The following CIAPIN1 variants were observed in gnomAD, a reference collection of about 807,000 sequenced individuals.
CIAPIN1 encodes the protein anamorsin.
A neutral mutation model predicts 34.3 loss-of-function variants in CIAPIN1; 18 were observed. The observed-to-expected ratio is 0.52, with a 90% CI of 0.36 to 0.78. The LOEUF is 0.78. CIAPIN1 is among the 30% of genes least tolerant of loss of function. CIAPIN1 has a pLI of 0.00. For synonymous variants in CIAPIN1, 131 were observed against 140.4 expected, an observed-to-expected ratio of 0.93 and a Z score of 0.47; for missense variants, 310 against 372.5, an observed-to-expected ratio of 0.83 and a Z score of 1.38.
intron 1 of CIAPIN1, among the ~76,000 whole-genome samples, chr16:57,443,125 C>T (rs1432010700): frequency 1.4e-5 from 2 of 144,372 alleles, no homozygotes; most frequent in African/African-American, 2.6e-5. Context: ...GACAATAATT[C>T]TGGTTTTGTT....
At chr16:57,435,576 T>C (rs1334335450) in intron 4 of CIAPIN1, among the ~76,000 whole-genome samples, 3 of 152,204 alleles carry the variant, frequency 2.0e-5, no homozygotes, top group Non-Finnish European at 2.9e-5. Flanking sequence ...GTAGATCACC[T>C]GAGGTCAGGA....
At chr16:57,429,408 T>C (rs537090571) in intron 8 of CIAPIN1, 128 bp from the exon 9 acceptor site, 13 of 639,376 alleles carry the variant, frequency 2.0e-5, no homozygotes, top group African/African-American at 1.7e-4. Flanking sequence ...GCAGGTCCAA[T>C]TGAGACCAAA....
At position 57,428,813 on chromosome 16, in the gene CIAPIN1, T is replaced by G; in HGVS notation, c.*357A>C. 5.8e-6 allele frequency: 1 copy of G among 171,074 alleles called. No homozygotes were observed. The allele number at this position is 171,074 out of a possible 1,614,324, so 10.6% of individuals were successfully genotyped here. A position where few individuals can be genotyped will look rare whatever the true frequency, so the allele number is the denominator to read the frequency against. On this transcript the variant is annotated 3_prime_UTR_variant, in exon 9 of 9. Coordinates refer to ENST00000394391, the MANE Select transcript of CIAPIN1 (RefSeq NM_020313.4). ...GCTGAGATGAGACTCAAGGCAGGGGTCTGCAGCTCTGTCACAGAGTGTTAA... is the reference window on the plus strand; with the variant it reads ...GCTGAGATGAGACTCAAGGCAGGGGGCTGCAGCTCTGTCACAGAGTGTTAA...
At chr16:57,432,411 G>A (rs1903107928) in intron 6 of CIAPIN1, 76 bp downstream of exon 6, 1 of 1,256,160 alleles carries the variant, frequency 8.0e-7, no homozygotes, top group Non-Finnish European at 1.1e-6. Context: ...TACAAGTCCA[G>A]AAAGGTCACT....
At chr16:57,434,846 A>T (rs1390796210) in intron 4 of CIAPIN1, among the ~76,000 whole-genome samples, 17 of 152,348 alleles carry the variant, frequency 1.1e-4, no homozygotes, top group African/African-American at 4.1e-4. Context: ...TTACATTTTT[A>T]AAAAAGTATG....
chr16:57,436,367 ACAGG>A (rs1293439819), intron 4 of CIAPIN1, among the ~76,000 whole-genome samples: 1 of 152,086 alleles, frequency 6.6e-6, no homozygotes, highest in Non-Finnish European at 1.5e-5. Context: ...GGCTGGGACT[ACAGG>A]CGTCTGCCAC....
intron 3 of CIAPIN1, among the ~76,000 whole-genome samples, chr16:57,438,880 CT>C (rs1903262726): frequency 6.6e-6 from 1 of 152,184 alleles, no homozygotes; most frequent in African/African-American, 2.4e-5. Context: ...ATATAGTTAG[CT>C]AGTTCATTTT....
rs1567568801 is a variant in CIAPIN1 at position 57,429,063 on chromosome 16, A to G, written c.*107T>C. 7.9e-6 allele frequency: 6 copies of G among 758,798 alleles called. No individual in the cohort carries two copies. Among genetic ancestry groups the G allele is most frequent in the Non-Finnish European group, 1.4e-5 (6 of 436,746 alleles). The allele number at this position is 758,798 out of a possible 1,614,324, so 47.0% of individuals were successfully genotyped here. ...TCTGCTAAGCACCCACTCTGCAAAC[A>G]GATCTCAGAGTGAACAAATCCAGAG... On this transcript the variant is annotated 3_prime_UTR_variant, in exon 9 of 9. Transcript: ENST00000394391.
chr16:57,439,355 A>G (rs752569472), intron 2 of CIAPIN1, 21 bp from the exon 3 acceptor site: 11 of 1,613,848 alleles, frequency 6.8e-6, no homozygotes, highest in Non-Finnish European at 9.3e-6. Flanking sequence ...GAGGACTCTA[A>G]TTAGCAATCT....
At chr16:57,445,383 T>C (rs1284546840) in intron 1 of CIAPIN1, among the ~76,000 whole-genome samples, 2 of 152,106 alleles carry the variant, frequency 1.3e-5, no homozygotes, top group Non-Finnish European at 2.9e-5. Context: ...GGCGTGCACC[T>C]GTAATCCCAG....
rs1042128834 is a variant in CIAPIN1, at chr16:57,438,366, C to T, written c.310+816G>A. 3.3e-5 allele frequency among the ~76,000 whole-genome samples: 5 copies of T among 152,216 alleles called. No homozygotes were observed. The East Asian group carries it at 9.6e-4, about 29-fold the overall frequency. ...TTACCACATCATTCCCAGGGTTCGGCCACTATTTTTAAACTTTTAATTTTG... is the reference window on the plus strand; with the variant it reads ...TTACCACATCATTCCCAGGGTTCGGTCACTATTTTTAAACTTTTAATTTTG... On this transcript the variant is annotated intron_variant, in intron 3 of 8. Transcript: ENST00000394391.
At chr16:57,433,549 G>A (rs899950694) in intron 5 of CIAPIN1, 20 of 183,688 alleles carry the variant, frequency 1.1e-4, no homozygotes, top group African/African-American at 3.6e-4. Context: ...GTGTGCGTGC[G>A]CGTGCGTGCA....
chr16:57,434,989 A>T (rs1903167634), intron 4 of CIAPIN1, among the ~76,000 whole-genome samples: 1 of 152,220 alleles, frequency 6.6e-6, no homozygotes, highest in Non-Finnish European at 1.5e-5. Context: ...GCTTTGGTGT[A>T]AAGTGAATTT....
At chr16:57,431,304 G>A in intron 6 of CIAPIN1, 38 bp from the exon 7 acceptor site, 1 of 1,412,860 alleles carries the variant, frequency 7.1e-7, no homozygotes, top group Non-Finnish European at 1.0e-6. Flanking sequence ...TACAGTCGTG[G>A]TCTCTGCTAA....
chr16:57,431,176 T>TCCCTTCCCC lies in CIAPIN1; in HGVS notation c.712_720dup (p.Gly238_Gly240dup). On this transcript the variant is annotated inframe_insertion, in exon 7 of 9. Coordinates refer to ENST00000394391, the MANE Select transcript of CIAPIN1 (RefSeq NM_020313.4). ...CAGTTCTTACAGGCCTTCCTCTTTT[T>TCCCTTCCCC]CCCTTCCCCACAAGAAGCAGCCCGC... 2.5e-6 allele frequency: 4 copies of TCCCTTCCCC among 1,613,448 alleles called. No individual in the cohort carries two copies. Among genetic ancestry groups the TCCCTTCCCC allele is most frequent in the Non-Finnish European group, 3.4e-6 (4 of 1,179,632 alleles).
Position 57,434,095 on chromosome 16 carries a change from C to T in CIAPIN1, c.505G>A (p.Gly169Ser). 6.2e-7 allele frequency: 1 copy of T among 1,614,142 alleles called. No individual in the cohort carries two copies. Among genetic ancestry groups the T allele is most frequent in the Non-Finnish European group, 8.5e-7 (1 of 1,180,024 alleles). The change falls in exon 5 of 9, where the codon GGT becomes AGT. Residue 169 changes from glycine (G) to serine (S), a missense_variant. Coordinates refer to ENST00000394391, the MANE Select transcript of CIAPIN1 (RefSeq NM_020313.4). Reference sequence around the variant, plus strand: ...GAAAGCTTAAGCTGCCTAGAAGAACCCACTTCAAAGTTTGGTTTTTTGCCT... The same window carrying T: ...GAAAGCTTAAGCTGCCTAGAAGAACTCACTTCAAAGTTTGGTTTTTTGCCT... ...ITGKKPNFEVGSSRQLKLSIT... is the reference protein window; with the variant it reads ...ITGKKPNFEVSSSRQLKLSIT...
At chr16:57,442,427 G>A (rs1286648555) in intron 1 of CIAPIN1, among the ~76,000 whole-genome samples, 14 of 151,952 alleles carry the variant, frequency 9.2e-5, no homozygotes, top group African/African-American at 2.4e-4. Context: ...TTGGGAAGGC[G>A]AGGCAGGTGG....
intron 1 of CIAPIN1, among the ~76,000 whole-genome samples, chr16:57,444,567 G>A (rs2029980127): frequency 6.6e-6 from 1 of 152,200 alleles, no homozygotes; most frequent in African/African-American, 2.4e-5. Context: ...ACTCCAGTGG[G>A]ACTGTGTCAG....
rs1903015484 is a variant in CIAPIN1 at position 57,428,950 on chromosome 16, C to T, written c.*220G>A. 2 of 499,620 alleles carry T rather than the reference C, an allele frequency of 4.0e-6. No homozygotes were observed. Among genetic ancestry groups the T allele is most frequent in the South Asian group, 2.6e-5 (1 of 38,506 alleles). 30.9% of individuals were successfully genotyped at this position (499,620 alleles called of 1,614,324 possible). A position where few individuals can be genotyped will look rare whatever the true frequency, so the allele number is the denominator to read the frequency against. On this transcript the variant is annotated 3_prime_UTR_variant, in exon 9 of 9. Transcript: ENST00000394391. ...TAACATGAGGTGAAGAAACCCATCC[C>T]ATTCTGAAACCAGGTCCCATAATAC...
Sources: allele counts gnomAD v4.1 joint callset (sites outside exome capture counted in the v4.1 genomes callset), GRCh38; gene constraint gnomAD v4.1.1; transcripts MANE v1.5; gene names NCBI Gene and HGNC (gene_info 2026-07-23, HGNC 2026-07-21).